The following IGF2R variants were observed in gnomAD, a reference collection of about 807,000 sequenced individuals.
The protein encoded by IGF2R is cation-independent mannose-6-phosphate receptor.
A neutral mutation model predicts 270.6 loss-of-function variants in IGF2R; 91 were observed. That is an observed-to-expected ratio of 0.34 (90% CI 0.28 to 0.40). IGF2R has a LOEUF of 0.40. IGF2R is among the 10% of genes least tolerant of loss of function. The probability of loss-of-function intolerance (pLI) is 1.00; values close to 1 mark genes in which losing one functional copy is unlikely to be tolerated. For missense variants in IGF2R, 2,805 were observed against 3,188.3 expected, an observed-to-expected ratio of 0.88 and a Z score of 2.90; for synonymous variants, 1,316 against 1,258.9, an observed-to-expected ratio of 1.05 and a Z score of -0.96.
Position 160,072,149 on chromosome 6 carries a change from G to A in IGF2R, c.4570+113G>A, listed in dbSNP as rs144622515. ...AGAAGCTATGGGCAGCAGGCGCCCT[G>A]GGCAGAGGTGTCATGGTGTGTGGGT... is the stretch of plus-strand genomic sequence containing the variant. On this transcript the variant is annotated intron_variant, in intron 32 of 47. Coordinates refer to ENST00000356956, the MANE Select transcript of IGF2R (RefSeq NM_000876.4). 1.2e-4 allele frequency: 162 copies of A among 1,326,892 alleles called. No homozygotes were observed. In the African/African-American group the frequency reaches 2.1e-3, roughly 17 times the overall value. The allele number at this position is 1,326,892 out of a possible 1,614,324, so 82.2% of individuals were successfully genotyped here.
At chr6:160,055,126 G>A (rs1181828106) in intron 19 of IGF2R, among the ~76,000 whole-genome samples, 2 of 152,164 alleles carry the variant, frequency 1.3e-5, no homozygotes, top group Non-Finnish European at 2.9e-5. Flanking sequence ...GTTCACCTGA[G>A]CTTGGGCCGC....
intron 5 of IGF2R, among the ~76,000 whole-genome samples, chr6:160,026,085 C>T (rs888490826): frequency 7.2e-5 from 11 of 152,180 alleles, no homozygotes; most frequent in Non-Finnish European, 1.5e-4. Context: ...TGGATAGTTT[C>T]GGACTTGCCA....
intron 35 of IGF2R, 62 bp from the exon 36 acceptor site, chr6:160,075,785 T>C (rs2297361): frequency 0.027 from 42,497 of 1,553,960 alleles, 1,311 homozygotes; most frequent in East Asian, 0.11. Context: ...CAATTCTTAA[T>C]TCCACTAACC....
chr6:160,083,600 G>T (rs1002553477), intron 39 of IGF2R, among the ~76,000 whole-genome samples: 2 of 152,250 alleles, frequency 1.3e-5, no homozygotes, highest in African/African-American at 4.8e-5. Context: ...CCAGGGCAGA[G>T]GTCCCTGCGG....
intron 44 of IGF2R, chr6:160,093,567 T>C: frequency 1.5e-6 from 1 of 659,546 alleles, no homozygotes; most frequent in Non-Finnish European, 2.8e-6. Flanking sequence ...TTCCAGGGGA[T>C]TCCAGAACTT....
intron 45 of IGF2R, among the ~76,000 whole-genome samples, chr6:160,100,589 G>T (rs541971121): frequency 1.6e-4 from 24 of 152,220 alleles, no homozygotes; most frequent in African/African-American, 4.3e-4. Flanking sequence ...ACAGCACAGT[G>T]AAAAGCAAGA....
intron 4 of IGF2R, among the ~76,000 whole-genome samples, chr6:160,013,896 GT>G (rs770956135): frequency 6.6e-6 from 1 of 152,062 alleles, no homozygotes; most frequent in Non-Finnish European, 1.5e-5. Context: ...GGTATGATAA[GT>G]TTAAAACATA....
chr6:160,000,727 T>G (rs1277446603), intron 2 of IGF2R, among the ~76,000 whole-genome samples: 1 of 134,794 alleles, frequency 7.4e-6, no homozygotes, highest in Non-Finnish European at 1.6e-5. Context: ...GGTGTGAGGT[T>G]GTTTTTTTTT....
Position 160,108,703 on chromosome 6 carries a change from A to C in IGF2R, c.*3619A>C, listed in dbSNP as rs963697008. On this transcript the variant is annotated 3_prime_UTR_variant, in exon 48 of 48. Transcript: ENST00000356956. ...TCTTTTTCTTTCTCTCTTTCTTTCG[A>C]GATGGAGTCTCGCTCTGTTGCCAGG... 1 of 146,486 alleles carries C rather than the reference A, an allele frequency of 6.8e-6. No homozygotes were observed. Among genetic ancestry groups the C allele is most frequent in the African/African-American group, 2.6e-5 (1 of 39,100 alleles). 9.1% of individuals were successfully genotyped at this position (146,486 alleles called of 1,614,324 possible).
intron 3 of IGF2R, chr6:160,010,348 G>A (rs8191738): frequency 0.13 from 23,063 of 179,052 alleles, 2,121 homozygotes; most frequent in East Asian, 0.44. Context: ...TCTGGCTTTC[G>A]TTTGCTGGCA....
intron 39 of IGF2R, among the ~76,000 whole-genome samples, chr6:160,081,469 C>G (rs1233547379): frequency 6.6e-6 from 1 of 152,194 alleles, no homozygotes; most frequent in Non-Finnish European, 1.5e-5. Flanking sequence ...ATCACAAGGT[C>G]AGCGCGAAAC....
At chr6:160,006,482 T>A (rs1784240441) in intron 2 of IGF2R, 1 of 152,668 alleles carries the variant, frequency 6.6e-6, no homozygotes, top group Non-Finnish European at 1.5e-5. Context: ...GGCACTGACC[T>A]TGGTTTCAGA....
intron 41 of IGF2R, among the ~76,000 whole-genome samples, chr6:160,085,623 G>C (rs1210867294): frequency 6.6e-6 from 1 of 152,214 alleles, no homozygotes; most frequent in Non-Finnish European, 1.5e-5. Context: ...TTATTTAAAG[G>C]AGGAAAATAG....
At chr6:159,971,263 G>C (rs1325534747) in intron 1 of IGF2R, among the ~76,000 whole-genome samples, 1 of 152,206 alleles carries the variant, frequency 6.6e-6, no homozygotes, top group Non-Finnish European at 1.5e-5. Flanking sequence ...AGTCATGGCA[G>C]TGTCTTGAAC....
chr6:159,985,683 A>G (rs190430606), intron 1 of IGF2R, among the ~76,000 whole-genome samples: 1 of 152,244 alleles, frequency 6.6e-6, no homozygotes, highest in Non-Finnish European at 1.5e-5. Context: ...ATGAAGTGCC[A>G]TGGCAGCTAG....
intron 47 of IGF2R, 58 bp from the exon 48 acceptor site, chr6:160,104,616 G>A: frequency 6.5e-7 from 1 of 1,545,126 alleles, no homozygotes; most frequent in Non-Finnish European, 8.8e-7. Context: ...GGTGGATGGT[G>A]GAGCAGAATG....
intron 14 of IGF2R, 123 bp downstream of exon 14, chr6:160,046,005 C>T: frequency 5.1e-6 from 4 of 786,258 alleles, no homozygotes; most frequent in Non-Finnish European, 7.7e-6. Context: ...GCTGTTTGAA[C>T]AAAATTCTGA....
At position 160,056,416 on chromosome 6, in the gene IGF2R, C is replaced by T. The variant is rs760852196; in HGVS notation, c.2695-8C>T. 6 of 1,595,382 alleles carry T rather than the reference C, an allele frequency of 3.8e-6. No individual in the cohort carries two copies. In the Admixed American group the frequency reaches 8.3e-5, roughly 22 times the overall value. On this transcript the variant is annotated splice_region_variant and splice_polypyrimidine_tract_variant and intron_variant, in intron 19 of 47. Coordinates refer to ENST00000356956, the MANE Select transcript of IGF2R (RefSeq NM_000876.4). ...GTATTGACTTTTACCCTGGATTTGC[C>T]CATTCAGAACAGCCACCCCATCTTT...
intron 4 of IGF2R, among the ~76,000 whole-genome samples, 155 bp from the exon 5 acceptor site, chr6:160,024,417 C>A (rs564215663): frequency 6.6e-6 from 1 of 152,124 alleles, no homozygotes; most frequent in Admixed American, 6.5e-5. Flanking sequence ...GGAGCCAAGA[C>A]GTTTATTGAC....
Sources: allele counts gnomAD v4.1 joint callset (sites outside exome capture counted in the v4.1 genomes callset), GRCh38; gene constraint gnomAD v4.1.1; transcripts MANE v1.5; gene names NCBI Gene and HGNC (gene_info 2026-07-23, HGNC 2026-07-21).